ARB2A: variants seen among roughly 807,000 people sequenced by gnomAD.
ARB2A encodes cotranscriptional regulator ARB2A.
At chr5:93,761,436 C>T in the ARB2A span, among the ~76,000 whole-genome samples, 4 of 152,176 alleles carry the variant, frequency 2.6e-5, no homozygotes, top group Non-Finnish European at 5.9e-5. Context: ...GAGGGTCCTA[C>T]GCCCATGGAG....
At chr5:93,953,527 C>T in the ARB2A span, among the ~76,000 whole-genome samples, 1 of 152,244 alleles carries the variant, frequency 6.6e-6, no homozygotes, top group Admixed American at 6.5e-5. Context: ...TGCAGAGCTG[C>T]CTGAGCTGGG....
chr5:94,086,677 C>T, the ARB2A span, among the ~76,000 whole-genome samples: 4 of 152,056 alleles, frequency 2.6e-5, no homozygotes, highest in East Asian at 5.8e-4. Context: ...CTCAGACTCC[C>T]GAGTAGCTGA....
At chr5:93,697,740 T>C in the ARB2A span, among the ~76,000 whole-genome samples, 1 of 152,186 alleles carries the variant, frequency 6.6e-6, no homozygotes, top group African/African-American at 2.4e-5. Flanking sequence ...TGTTTTATGC[T>C]GTTAACATGT....
chr5:94,009,046 T>A, the ARB2A span, among the ~76,000 whole-genome samples: 1 of 152,152 alleles, frequency 6.6e-6, no homozygotes, highest in Non-Finnish European at 1.5e-5. Flanking sequence ...GAGAATAAAC[T>A]AATTTGATTT....
chr5:93,787,059 T>G, the ARB2A span, among the ~76,000 whole-genome samples: 1 of 152,164 alleles, frequency 6.6e-6, no homozygotes, highest in Non-Finnish European at 1.5e-5. Flanking sequence ...TTAGGATCCA[T>G]TGATATTAAA....
At chr5:93,940,325 T>A in the ARB2A span, among the ~76,000 whole-genome samples, 2 of 152,092 alleles carry the variant, frequency 1.3e-5, no homozygotes, top group African/African-American at 4.8e-5. Context: ...ATTTGTTTTC[T>A]GTCTAGAAAA....
the ARB2A span, among the ~76,000 whole-genome samples, chr5:93,837,852 ATGTT>A: frequency 6.6e-6 from 1 of 151,842 alleles, no homozygotes; most frequent in Non-Finnish European, 1.5e-5. Flanking sequence ...TTTAATGGGG[ATGTT>A]TGTTTTTTGC....
the ARB2A span, among the ~76,000 whole-genome samples, chr5:93,654,259 A>G: frequency 6.6e-6 from 1 of 152,178 alleles, no homozygotes; most frequent in Non-Finnish European, 1.5e-5. Context: ...ACCATAAGCA[A>G]GGGCTCTGTG....
chr5:94,102,713 T>C, the ARB2A span, among the ~76,000 whole-genome samples: 2 of 151,940 alleles, frequency 1.3e-5, no homozygotes, highest in Non-Finnish European at 2.9e-5. Flanking sequence ...AGACAAATAG[T>C]CTTCAGATTC....
chr5:94,014,706 A>G, the ARB2A span, among the ~76,000 whole-genome samples: 2 of 152,020 alleles, frequency 1.3e-5, no homozygotes, highest in Non-Finnish European at 2.9e-5. Flanking sequence ...AATAATAATA[A>G]TAAAATCAAA....
At chr5:93,827,379 C>A in the ARB2A span, among the ~76,000 whole-genome samples, 1 of 152,122 alleles carries the variant, frequency 6.6e-6, no homozygotes, top group South Asian at 2.1e-4. Flanking sequence ...TGTCTTTTGG[C>A]TGCATAAATG....
chr5:93,655,916 T>C, the ARB2A span, among the ~76,000 whole-genome samples: 2 of 152,228 alleles, frequency 1.3e-5, no homozygotes, highest in East Asian at 3.9e-4. Context: ...CTTACTAATA[T>C]ACGAAATCAT....
At chr5:94,026,981 T>G in the ARB2A span, among the ~76,000 whole-genome samples, 1 of 152,220 alleles carries the variant, frequency 6.6e-6, no homozygotes, top group African/African-American at 2.4e-5. Context: ...TTTGAGATTT[T>G]TACTCTACTT....
chr5:93,770,002 T>A, the ARB2A span, among the ~76,000 whole-genome samples: 1 of 152,192 alleles, frequency 6.6e-6, no homozygotes, highest in South Asian at 2.1e-4. Flanking sequence ...TAATTTAATA[T>A]CTTCTTTCTG....
the ARB2A span, among the ~76,000 whole-genome samples, chr5:94,105,134 T>G: frequency 1.3e-5 from 2 of 152,004 alleles, no homozygotes; most frequent in Non-Finnish European, 2.9e-5. Context: ...GTACTGGAAA[T>G]TTCAGCCAAA....
chr5:93,755,353 G>C, the ARB2A span, among the ~76,000 whole-genome samples: 1 of 152,208 alleles, frequency 6.6e-6, no homozygotes, highest in Admixed American at 6.5e-5. Flanking sequence ...TAAATAGAGT[G>C]AGAATTGGTC....
the ARB2A span, among the ~76,000 whole-genome samples, chr5:93,621,778 C>G: frequency 5.3e-5 from 8 of 152,114 alleles, no homozygotes; most frequent in Admixed American, 4.6e-4. Context: ...AATGAAGGAC[C>G]GCATTCAAAA....
chr5:93,835,918 C>T, the ARB2A span, among the ~76,000 whole-genome samples: 2 of 152,118 alleles, frequency 1.3e-5, no homozygotes, highest in African/African-American at 4.8e-5. Flanking sequence ...AAAAGTATGG[C>T]TCAATAAAAT....
At chr5:93,897,680 T>C in the ARB2A span, among the ~76,000 whole-genome samples, 475 of 152,048 alleles carry the variant, frequency 3.1e-3, 3 homozygotes, top group African/African-American at 0.011. Context: ...AAAGGAATAG[T>C]AATTCTGTAG....
Sources: allele counts gnomAD v4.1 joint callset (sites outside exome capture counted in the v4.1 genomes callset), GRCh38; gene constraint gnomAD v4.1.1; transcripts MANE v1.5; gene names NCBI Gene and HGNC (gene_info 2026-07-23, HGNC 2026-07-21).